The following KATNBL1 variants were observed in gnomAD, a reference collection of about 807,000 sequenced individuals.
The protein encoded by KATNBL1 is katanin regulatory subunit B1 like 1, also known as KATNB1-like protein 1.
KATNBL1 carries 28 observed loss-of-function variants against 44.7 expected under a neutral mutation model. That is an observed-to-expected ratio of 0.63 (90% CI 0.46 to 0.86). The LOEUF is 0.86. Ranked by LOEUF, KATNBL1 falls within the 40% of genes least tolerant of loss-of-function variation. KATNBL1 has a pLI of 0.00. For missense variants in KATNBL1, 272 were observed against 350.7 expected, an observed-to-expected ratio of 0.78 and a Z score of 1.79; for synonymous variants, 78 against 114.9, an observed-to-expected ratio of 0.68 and a Z score of 2.06.
intron 1 of KATNBL1, among the ~76,000 whole-genome samples, chr15:34,167,392 T>C (rs956149132): frequency 1.3e-5 from 2 of 151,892 alleles, no homozygotes; most frequent in Non-Finnish European, 2.9e-5. Flanking sequence ...AAGACAAGAT[T>C]AGAGAAAAAA....
At chr15:34,186,256 T>A (rs1284217676) in intron 1 of KATNBL1, among the ~76,000 whole-genome samples, 1 of 152,126 alleles carries the variant, frequency 6.6e-6, no homozygotes, top group Non-Finnish European at 1.5e-5. Context: ...ACCAGTTGGG[T>A]CTGCACAATC....
At chr15:34,171,167 A>C (rs1003746919) in intron 1 of KATNBL1, among the ~76,000 whole-genome samples, 1 of 152,234 alleles carries the variant, frequency 6.6e-6, no homozygotes, top group African/African-American at 2.4e-5. Flanking sequence ...AACGGGAGAA[A>C]ATTTTTGCAA....
intron 1 of KATNBL1, among the ~76,000 whole-genome samples, chr15:34,206,254 T>G (rs1159543980): frequency 6.6e-6 from 1 of 152,144 alleles, no homozygotes; most frequent in Admixed American, 6.5e-5. Flanking sequence ...CTGGGTGACT[T>G]GCTCAAGGCA....
intron 1 of KATNBL1, among the ~76,000 whole-genome samples, chr15:34,206,454 G>C (rs1890293949): frequency 6.6e-6 from 1 of 152,178 alleles, no homozygotes; most frequent in East Asian, 1.9e-4. Context: ...AAAATACTTA[G>C]ATGAGCAAGA....
chr15:34,154,561 A>C, intron 3 of KATNBL1, 83 bp downstream of exon 3: 2 of 846,540 alleles, frequency 2.4e-6, no homozygotes, highest in East Asian at 2.5e-5. Context: ...ATTATGATAA[A>C]AGAATGCTTA....
intron 7 of KATNBL1, 102 bp downstream of exon 7, chr15:34,147,098 A>T (rs894630188): frequency 1.4e-6 from 1 of 709,144 alleles, no homozygotes; most frequent in Non-Finnish European, 2.4e-6. Flanking sequence ...GAAAACAGAA[A>T]CCTTGCATGT....
chr15:34,166,798 A>C (rs993358621), intron 1 of KATNBL1, among the ~76,000 whole-genome samples: 1 of 152,348 alleles, frequency 6.6e-6, no homozygotes, highest in African/African-American at 2.4e-5. Flanking sequence ...ATACCCAGGC[A>C]AACAGGGTGT....
intron 1 of KATNBL1, among the ~76,000 whole-genome samples, chr15:34,183,850 C>G (rs1472348618): frequency 1.3e-5 from 2 of 152,168 alleles, no homozygotes. Flanking sequence ...AAATCTTTTA[C>G]AAGAAGCAGA....
intron 5 of KATNBL1, 176 bp downstream of exon 5, chr15:34,148,454 GAT>G: frequency 4.3e-6 from 2 of 460,296 alleles, no homozygotes; most frequent in Admixed American, 3.9e-5. Context: ...CAGGTGTGGT[GAT>G]GTGCACCTGT....
At chr15:34,202,664 A>G (rs187908233) in intron 1 of KATNBL1, among the ~76,000 whole-genome samples, 87 of 152,306 alleles carry the variant, frequency 5.7e-4, no homozygotes, top group East Asian at 4.4e-3. Context: ...AGACTTAACT[A>G]TAACAAAAAT....
intron 1 of KATNBL1, among the ~76,000 whole-genome samples, chr15:34,186,701 G>C (rs1475981037): frequency 6.6e-6 from 1 of 152,222 alleles, no homozygotes; most frequent in Non-Finnish European, 1.5e-5. Flanking sequence ...AGGCTCAGGG[G>C]TGTCTGCTCC....
At chr15:34,176,046 T>C (rs1403285355) in intron 1 of KATNBL1, among the ~76,000 whole-genome samples, 2 of 152,010 alleles carry the variant, frequency 1.3e-5, no homozygotes, top group Non-Finnish European at 2.9e-5. Flanking sequence ...AAACGAAATG[T>C]GGTGTATCTG....
At chr15:34,145,174 T>C (rs1888270035) in intron 9 of KATNBL1, 13 of 1,342,088 alleles carry the variant, frequency 9.7e-6, no homozygotes, top group South Asian at 1.3e-5. Context: ...TAGCATAGCA[T>C]TTCAGGGGCT....
intron 1 of KATNBL1, among the ~76,000 whole-genome samples, chr15:34,206,397 A>G (rs982856653): frequency 6.6e-6 from 1 of 152,252 alleles, no homozygotes; most frequent in African/African-American, 2.4e-5. Flanking sequence ...AATGGTAAAT[A>G]TAACGCAGAA....
At chr15:34,174,589 A>T (rs548248307) in intron 1 of KATNBL1, among the ~76,000 whole-genome samples, 140 of 152,324 alleles carry the variant, frequency 9.2e-4, no homozygotes, top group Non-Finnish European at 1.7e-3. Flanking sequence ...GTCCACAAGA[A>T]ACTCACTTCA....
At chr15:34,170,354 A>C (rs1889121809) in intron 1 of KATNBL1, among the ~76,000 whole-genome samples, 1 of 152,234 alleles carries the variant, frequency 6.6e-6, no homozygotes, top group Non-Finnish European at 1.5e-5. Flanking sequence ...CAAAGAGAAT[A>C]AAATACCTAG....
chr15:34,179,806 T>C (rs954370626), intron 1 of KATNBL1, among the ~76,000 whole-genome samples: 8 of 152,246 alleles, frequency 5.3e-5, no homozygotes, highest in African/African-American at 1.9e-4. Flanking sequence ...TCACTTAACA[T>C]GTTTTTCTAT....
At chr15:34,186,796 C>T (rs977522929) in intron 1 of KATNBL1, among the ~76,000 whole-genome samples, 5 of 152,208 alleles carry the variant, frequency 3.3e-5, no homozygotes, top group Admixed American at 2.6e-4. Context: ...TGAATGGCAG[C>T]GGGAGACAGA....
chr15:34,191,906 C>T (rs537513619), intron 1 of KATNBL1, among the ~76,000 whole-genome samples: 9 of 148,276 alleles, frequency 6.1e-5, no homozygotes, highest in African/African-American at 2.0e-4. Flanking sequence ...GAGATTGCAC[C>T]ACTACACTCC....
Sources: gnomAD v4.1 joint callset for allele counts (sites outside exome capture counted in the v4.1 genomes callset) on GRCh38, gnomAD v4.1.1 for gene constraint, MANE v1.5 for transcripts, NCBI Gene and HGNC (gene_info 2026-07-23, HGNC 2026-07-21) for gene names.